The following LDB2 variants were observed in gnomAD, a reference collection of about 807,000 sequenced individuals.
LDB2 encodes the protein LIM domain binding 2.
LDB2 carries 12 observed loss-of-function variants against 44.3 expected under a neutral mutation model. The ratio of observed to expected loss-of-function variants is 0.27; its 90% confidence interval spans 0.17 to 0.44. LDB2 has a LOEUF of 0.44. LDB2 is among the 20% of genes least tolerant of loss of function. The pLI is 1.00. For synonymous variants in LDB2, 164 were observed against 174.8 expected (o/e 0.94, Z 0.49); for missense variants, 344 against 473.5 (o/e 0.73, Z 2.54).
chr4:16,527,482 G>A (rs549395526), intron 5 of LDB2, among the ~76,000 whole-genome samples: 260 of 152,310 alleles, frequency 1.7e-3, no homozygotes, highest in African/African-American at 5.9e-3. Context: ...CTGCTGGTGG[G>A]AATGTAAACT....
intron 1 of LDB2, among the ~76,000 whole-genome samples, chr4:16,823,535 C>A (rs1455524930): frequency 6.6e-6 from 1 of 152,072 alleles, no homozygotes; most frequent in Non-Finnish European, 1.5e-5. Flanking sequence ...GCGAAAACAT[C>A]CAGATAGAAA....
chr4:16,588,878 A>T, intron 3 of LDB2, 46 bp from the exon 4 acceptor site: 1 of 1,604,562 alleles, frequency 6.2e-7, no homozygotes, highest in Non-Finnish European at 8.5e-7. Flanking sequence ...ACTTTGTGAA[A>T]GCCACATTTT....
intron 2 of LDB2, among the ~76,000 whole-genome samples, chr4:16,667,968 A>G (rs140397970): frequency 6.6e-6 from 1 of 152,300 alleles, no homozygotes; most frequent in African/African-American, 2.4e-5. Flanking sequence ...AGAATATCCT[A>G]TATAACAGAA....
chr4:16,789,871 G>A (rs1321502329), intron 1 of LDB2, among the ~76,000 whole-genome samples: 1 of 152,216 alleles, frequency 6.6e-6, no homozygotes, highest in Non-Finnish European at 1.5e-5. Flanking sequence ...GGTGGAGGTT[G>A]CACGTAGCAG....
At chr4:16,573,342 C>A (rs1021266946) in intron 5 of LDB2, among the ~76,000 whole-genome samples, 1 of 152,156 alleles carries the variant, frequency 6.6e-6, no homozygotes, top group Non-Finnish European at 1.5e-5. Context: ...GCCTGTGACA[C>A]GTGCTCCTCC....
chr4:16,592,866 G>C (rs1464619697), intron 3 of LDB2, among the ~76,000 whole-genome samples: 1 of 152,102 alleles, frequency 6.6e-6, no homozygotes, highest in Admixed American at 6.6e-5. Context: ...GAATCCACCA[G>C]TGTTCACATC....
chr4:16,726,827 C>G (rs1414043799), intron 2 of LDB2, among the ~76,000 whole-genome samples: 1 of 152,148 alleles, frequency 6.6e-6, no homozygotes, highest in African/African-American at 2.4e-5. Context: ...GATGACAAAA[C>G]AGTCCCAAAT....
chr4:16,642,135 A>T (rs1735359065), intron 2 of LDB2, among the ~76,000 whole-genome samples: 1 of 152,194 alleles, frequency 6.6e-6, no homozygotes, highest in South Asian at 2.1e-4. Context: ...ACTTGGTCTC[A>T]TCTCCCAGAA....
At chr4:16,750,853 G>A (rs924182978) in intron 2 of LDB2, 2 of 152,196 alleles carry the variant, frequency 1.3e-5, no homozygotes, top group African/African-American at 4.8e-5. Flanking sequence ...CAGATAATGT[G>A]TTTCTCAATA....
At chr4:16,540,335 G>A (rs865931118) in intron 5 of LDB2, among the ~76,000 whole-genome samples, 3 of 152,076 alleles carry the variant, frequency 2.0e-5, no homozygotes, top group Middle Eastern at 3.2e-3. Context: ...TTTGCCATAC[G>A]GTGTAGTTTC....
chr4:16,531,652 T>G (rs1577424102), intron 5 of LDB2, among the ~76,000 whole-genome samples: 2 of 152,310 alleles, frequency 1.3e-5, no homozygotes, highest in Non-Finnish European at 2.9e-5. Flanking sequence ...CAAACCTTAA[T>G]TGTCTTGTTC....
rs540897083 is a variant in LDB2 at position 16,806,521 on chromosome 4, G to A, written c.133-47261C>T. 2.0e-4 allele frequency among the ~76,000 whole-genome samples: 31 copies of A among 152,374 alleles called. No homozygotes were observed. In the South Asian group the frequency reaches 2.7e-3, roughly 13 times the overall value. ...CTGGCAATCAATGAAGCTGGAGGTA[G>A]AAGGAGCCCTGCCATTAAGTGAGCA... On this transcript the variant is annotated intron_variant, in intron 1 of 7. Coordinates refer to ENST00000304523, the MANE Select transcript of LDB2 (RefSeq NM_001290.5).
In LDB2 at chr4:16,680,002, T is replaced by C. The variant is rs139014629; in HGVS notation, c.235+79156A>G. Among the ~76,000 whole-genome samples, 751 of 152,264 alleles carry C rather than the reference T, an allele frequency of 4.9e-3. 7 individuals are homozygous for C. Among genetic ancestry groups the C allele is most frequent in the Middle Eastern group, 0.014 (4 of 294 alleles). On this transcript the variant is annotated intron_variant, in intron 2 of 7. Transcript: ENST00000304523. ...ATGGAATCTTTATAAGCCCCCCAAA[T>C]TCCTGTATTGAAGCCCTAATCCCCA...
chr4:16,692,189 A>G lies in LDB2; in HGVS notation c.235+66969T>C, dbSNP rs1414458308. ...GAATCATGTGAGTATTAGGACATCA[A>G]AATGCAGATGCGTACATAAACTTAT... On this transcript the variant is annotated intron_variant, in intron 2 of 7. Coordinates refer to ENST00000304523, the MANE Select transcript of LDB2 (RefSeq NM_001290.5). Among the ~76,000 whole-genome samples, 4 of 152,222 alleles carry G rather than the reference A, an allele frequency of 2.6e-5. No individual in the cohort carries two copies. In the East Asian group the frequency reaches 7.7e-4, roughly 29 times the overall value.
At chr4:16,565,888 G>A (rs955284840) in intron 5 of LDB2, among the ~76,000 whole-genome samples, 4 of 151,862 alleles carry the variant, frequency 2.6e-5, no homozygotes, top group East Asian at 1.9e-4. Flanking sequence ...TTGTGATCAC[G>A]AAAGTTATTA....
intron 5 of LDB2, among the ~76,000 whole-genome samples, chr4:16,561,788 C>G (rs1453380728): frequency 6.6e-6 from 1 of 152,180 alleles, no homozygotes; most frequent in African/African-American, 2.4e-5. Flanking sequence ...AAGAACAAAG[C>G]TGGAGGCATC....
chr4:16,818,830 A>T (rs1227674845), intron 1 of LDB2, among the ~76,000 whole-genome samples: 2 of 152,192 alleles, frequency 1.3e-5, no homozygotes, highest in Non-Finnish European at 2.9e-5. Context: ...ACAGTATGTT[A>T]ACTATCACAC....
intron 1 of LDB2, among the ~76,000 whole-genome samples, chr4:16,804,118 C>A (rs946446644): frequency 6.6e-6 from 1 of 151,968 alleles, no homozygotes; most frequent in Non-Finnish European, 1.5e-5. Flanking sequence ...ATTGAAAAAA[C>A]AGATACTTTT....
At chr4:16,884,681 T>A (rs10005879) in intron 1 of LDB2, among the ~76,000 whole-genome samples, 104,885 of 152,138 alleles carry the variant, frequency 0.69, 37,189 homozygotes, top group African/African-American at 0.83. Context: ...AGAGAAGGAC[T>A]CTGCCCTCTT....
Sources: gnomAD v4.1 joint callset for allele counts (sites outside exome capture counted in the v4.1 genomes callset) on GRCh38, gnomAD v4.1.1 for gene constraint, MANE v1.5 for transcripts, NCBI Gene and HGNC (gene_info 2026-07-23, HGNC 2026-07-21) for gene names.